The following XDH variants were observed in gnomAD, a reference collection of about 807,000 sequenced individuals.
XDH encodes xanthine dehydrogenase.
In XDH, 138 loss-of-function variants were observed where a neutral mutation model predicts 156.1. The observed-to-expected ratio is 0.88, with a 90% CI of 0.77 to 1.02. The LOEUF is 1.02. Among genes scored for constraint, XDH ranks in the 50% least tolerant of loss-of-function variants. XDH has a pLI of 0.00. For synonymous variants in XDH, 669 were observed against 625.7 expected (o/e 1.07, Z -1.03); for missense variants, 1,849 against 1,684.9 (o/e 1.10, Z -1.71).
intron 2 of XDH, among the ~76,000 whole-genome samples, chr2:31,405,283 G>A (rs1346702057): frequency 6.6e-6 from 1 of 151,996 alleles, no homozygotes; most frequent in Non-Finnish European, 1.5e-5. Context: ...TATTATTATC[G>A]TTTTAGTTCC....
At chr2:31,343,376 T>A (rs1193763266) in intron 31 of XDH, among the ~76,000 whole-genome samples, 1 of 142,158 alleles carries the variant, frequency 7.0e-6, no homozygotes, top group Non-Finnish European at 1.5e-5. Flanking sequence ...CAATGTAATA[T>A]CTATACATAT....
chr2:31,358,243 A>T (rs924692278), intron 24 of XDH, among the ~76,000 whole-genome samples: 1 of 152,172 alleles, frequency 6.6e-6, no homozygotes, highest in Non-Finnish European at 1.5e-5. Flanking sequence ...CAAACTGTCT[A>T]TCAGACCACA....
chr2:31,376,780 A>C (rs905527005), intron 14 of XDH, among the ~76,000 whole-genome samples: 4 of 149,918 alleles, frequency 2.7e-5, no homozygotes, highest in Non-Finnish European at 5.9e-5. Flanking sequence ...AGTTGCAATA[A>C]TAGTAACAAT....
intron 13 of XDH, 94 bp downstream of exon 13, chr2:31,379,773 A>G: frequency 8.4e-7 from 1 of 1,195,460 alleles, no homozygotes; most frequent in Non-Finnish European, 1.2e-6. Context: ...AGAGATGCTC[A>G]GGTTGGTCCC....
intron 30 of XDH, among the ~76,000 whole-genome samples, chr2:31,346,559 T>A (rs1685299138): frequency 6.6e-6 from 1 of 152,174 alleles, no homozygotes; most frequent in South Asian, 2.1e-4. Context: ...TTCCCTCAAA[T>A]GACCTCCCTC....
In XDH at chr2:31,347,512, G is replaced by C. The variant is rs2148754458; in HGVS notation, c.3276+10C>G. 1.9e-6 allele frequency: 3 copies of C among 1,613,502 alleles called. No homozygotes were observed. In the East Asian group the frequency reaches 6.7e-5, roughly 36 times the overall value. On this transcript the variant is annotated intron_variant, in intron 29 of 35. Coordinates refer to ENST00000379416, the MANE Select transcript of XDH (RefSeq NM_000379.4). ...GCCCTCTGCTCTGCGGGATCCCATG[G>C]GCTCCTTACATAGACGGCCTGTCCA...
chr2:31,401,375 A>C (rs749890014), intron 3 of XDH, 47 bp from the exon 4 acceptor site: 5 of 1,597,694 alleles, frequency 3.1e-6, no homozygotes, highest in Non-Finnish European at 4.3e-6. Context: ...CACTCAGATC[A>C]TCAGAATGGG....
Position 31,337,683 on chromosome 2 carries a change from C to A in XDH, c.3909G>T (p.Pro1303=). ...ELFRLDSPAT[P]EKIRNACVDK... The stretch of plus-strand genomic sequence containing the variant: ...CCACGCAGGCATTGCGGATCTTCTC[C>A]GGGGTGGCAGGGCTGTCTAGCCGGA... Residue 1303 remains proline (P), a synonymous_variant, in exon 35 of 36, where the codon CCG becomes CCT. Transcript: ENST00000379416. 6.2e-7 allele frequency: 1 copy of A among 1,614,184 alleles called. No individual in the cohort carries two copies.
Position 31,337,665 on chromosome 2 carries a change from G to T in XDH, c.3927C>A (p.Ala1309=). 6.2e-7 allele frequency: 1 copy of T among 1,614,206 alleles called. No homozygotes were observed. The highest frequency in any genetic ancestry group is 8.5e-7 in the Non-Finnish European group (1 of 1,180,042). ...CCAGGGTGGTGAACTTGTCCACGCA[G>T]GCATTGCGGATCTTCTCCGGGGTGG... ...SPATPEKIRN[A]CVDKFTTLCV... The change falls in exon 35 of 36, where the codon GCC becomes GCA. Residue 1309 remains alanine, a synonymous_variant. Coordinates refer to ENST00000379416, the MANE Select transcript of XDH (RefSeq NM_000379.4).
Position 31,367,955 on chromosome 2 carries a change from C to A in XDH, c.2197+6G>T. On this transcript the variant is annotated splice_donor_region_variant and intron_variant, in intron 20 of 35. Coordinates refer to ENST00000379416, the MANE Select transcript of XDH (RefSeq NM_000379.4). ...CCATTCCCACTGCGGCATGGAACAG[C>A]TCTACCTGACACAACATTATCTGCT... 6.2e-7 allele frequency: 1 copy of A among 1,614,090 alleles called. No individual in the cohort carries two copies. Among genetic ancestry groups the A allele is most frequent in the Middle Eastern group, 1.6e-4 (1 of 6,062 alleles).
chr2:31,382,919 T>C (rs1686476682), intron 11 of XDH, 82 bp downstream of exon 11: 31 of 1,601,350 alleles, frequency 1.9e-5, no homozygotes, highest in Non-Finnish European at 2.6e-5. Flanking sequence ...CCCACTGCAC[T>C]GACACAGTGA....
At position 31,375,482 on chromosome 2, in the gene XDH, G is replaced by A. The variant is rs1260506837; in HGVS notation, c.1500C>T (p.Ala500=). ...ACCGGAAGTCCACCATGCCACCAGG[G>A]GCATCGGGAGGCAGATGCAGCTCCT... ...LAEELHLPPD[A]PGGMVDFRCT... The change falls in exon 15 of 36, where the codon GCC becomes GCT. Residue 500 remains alanine (A), a synonymous_variant. Transcript: ENST00000379416. 1.9e-6 allele frequency: 3 copies of A among 1,613,990 alleles called. No individual in the cohort carries two copies. Among genetic ancestry groups the A allele is most frequent in the East Asian group, 2.2e-5 (1 of 44,892 alleles).
chr2:31,396,456 T>C (rs1465020315), intron 6 of XDH, among the ~76,000 whole-genome samples: 1 of 152,210 alleles, frequency 6.6e-6, no homozygotes, highest in Non-Finnish European at 1.5e-5. Context: ...ACCAGCTTCA[T>C]AATTTATAGT....
chr2:31,383,663 G>T (rs923383647), intron 10 of XDH, 92 bp downstream of exon 10: 1 of 1,244,920 alleles, frequency 8.0e-7, no homozygotes, highest in Non-Finnish European at 1.2e-6. Context: ...GCCAGAGCCA[G>T]TGGGGAGACC....
chr2:31,414,531 A>G (rs1278765567), intron 1 of XDH, 94 bp downstream of exon 1: 22 of 1,539,340 alleles, frequency 1.4e-5, no homozygotes, highest in Non-Finnish European at 2.0e-5. Flanking sequence ...AAGAGGGGAC[A>G]GGAAAGACAG....
chr2:31,341,388 G>A lies in XDH; in HGVS notation c.3526C>T (p.Arg1176Cys), dbSNP rs45624433. Residue 1176 changes from arginine to cysteine, a missense_variant, in exon 33 of 36, where the codon CGC (arginine) becomes TGC (cysteine). Arg to Cys is a radical substitution (Grantham distance 180). Coordinates refer to ENST00000379416, the MANE Select transcript of XDH (RefSeq NM_000379.4). Reference protein sequence around the residue: ...DCLTGDHKNLRTDIVMDVGSS... With the variant: ...DCLTGDHKNLCTDIVMDVGSS... ...CCAACATCCATGACAATATCTGTGC[G>A]GAGGTTCTAGAGTAGACAGCAAAAT... 30 of 1,576,604 alleles carry A rather than the reference G, an allele frequency of 1.9e-5. No individual in the cohort carries two copies. The highest frequency in any genetic ancestry group is 4.6e-5 in the South Asian group (4 of 86,168).
chr2:31,348,631 C>G (rs2148755463), intron 27 of XDH, among the ~76,000 whole-genome samples: 1 of 152,274 alleles, frequency 6.6e-6, no homozygotes, highest in East Asian at 1.9e-4. Flanking sequence ...AGTGAAGAAA[C>G]AGAACAAGAA....
At chr2:31,405,172 T>C (rs993659989) in intron 2 of XDH, among the ~76,000 whole-genome samples, 8 of 152,196 alleles carry the variant, frequency 5.3e-5, no homozygotes, top group African/African-American at 1.9e-4. Flanking sequence ...AAAGGGAGTG[T>C]TACGCTTCCA....
intron 7 of XDH, 146 bp from the exon 8 acceptor site, chr2:31,388,043 TGA>T (rs751953953): frequency 2.3e-5 from 26 of 1,116,412 alleles, no homozygotes; most frequent in East Asian, 1.3e-4. Flanking sequence ...GAGGCAGGAA[TGA>T]GAGAGTCTCA....
Sources: allele counts gnomAD v4.1 joint callset (sites outside exome capture counted in the v4.1 genomes callset), GRCh38; gene constraint gnomAD v4.1.1; transcripts MANE v1.5; gene names NCBI Gene and HGNC (gene_info 2026-07-23, HGNC 2026-07-21).